Variants in EPC1 observed in about 807,000 individuals in gnomAD.
EPC1 encodes the protein enhancer of polycomb 1, also known as enhancer of polycomb homolog 1.
Under a neutral mutation model 98.4 loss-of-function variants are expected in EPC1, and 12 were observed. The observed-to-expected ratio is 0.12, with a 90% CI of 0.08 to 0.20. The LOEUF (loss-of-function observed/expected upper bound fraction) is 0.20, where lower values mean the gene tolerates loss of function less well. Ranked by LOEUF, EPC1 falls within the 10% of genes least tolerant of loss-of-function variation. EPC1 has a pLI of 1.00. For synonymous variants in EPC1, 357 were observed against 363.9 expected (o/e 0.98, Z 0.21); for missense variants, 729 against 990.5 (o/e 0.74, Z 3.54).
chr10:32,275,061 G>T (rs1384467017), intron 10 of EPC1, among the ~76,000 whole-genome samples: 1 of 152,140 alleles, frequency 6.6e-6, no homozygotes, highest in Admixed American at 6.5e-5. Flanking sequence ...AACCATTTTT[G>T]GAAGGTCAGG....
At position 32,305,943 on chromosome 10, in the gene EPC1, A is replaced by G. The variant is rs772733877; in HGVS notation, c.154-12T>C. The G allele has an allele frequency of 1.9e-6, 3 of 1,592,980 alleles. No individual in the cohort carries two copies. In the South Asian group the frequency reaches 3.5e-5, roughly 18 times the overall value. ...TGAAGATGATGTTCCTAAAAAGAAG[A>G]AAAAACAGGTAAGTTCATGTATTTT... On this transcript the variant is annotated splice_polypyrimidine_tract_variant and intron_variant, in intron 1 of 13. Coordinates refer to ENST00000319778, the MANE Select transcript of EPC1 (RefSeq NM_001272004.3).
chr10:32,284,632 G>A (rs1216807464), intron 10 of EPC1, 66 bp downstream of exon 10: 37 of 1,325,958 alleles, frequency 2.8e-5, no homozygotes, highest in Non-Finnish European at 3.7e-5. Context: ...CCACATAGTC[G>A]AACAAATGGG....
chr10:32,271,647 C>T lies in EPC1; in HGVS notation c.2276G>A (p.Ser759Asn), dbSNP rs1835848825. 5 of 1,614,174 alleles carry T rather than the reference C, an allele frequency of 3.1e-6. No individual in the cohort carries two copies. The highest frequency in any genetic ancestry group is 4.2e-6 in the Non-Finnish European group (5 of 1,180,034). Residue 759 changes from serine to asparagine, a missense_variant, in exon 13 of 14, where the codon AGT becomes AAT. Ser to Asn is a conservative substitution (Grantham distance 46). Transcript: ENST00000319778. ...CTTTAAGGCAGATGATGGAACAGCA[C>T]TTAAAGTCCTAGGTATATGTCGTGC... ...INARHIPRTL[S>N]AVPSSALKLA... is the part of the protein sequence containing the mutation.
intron 1 of EPC1, among the ~76,000 whole-genome samples, chr10:32,324,629 A>G (rs1837154174): frequency 6.6e-6 from 1 of 152,098 alleles, no homozygotes; most frequent in African/African-American, 2.4e-5. Flanking sequence ...TTCCAAATTT[A>G]CCTTGTGTTT....
intron 8 of EPC1, 27 bp downstream of exon 8, chr10:32,286,899 T>A: frequency 6.2e-7 from 1 of 1,610,388 alleles, no homozygotes; most frequent in Non-Finnish European, 8.5e-7. Context: ...AATAGTTTGT[T>A]ATTTACAAAG....
In EPC1 at chr10:32,290,645, G is replaced by A. The variant is rs561226205; in HGVS notation, c.975+518C>T. Among the ~76,000 whole-genome samples the A allele has an allele frequency of 5.3e-5, 8 of 151,866 alleles. 1 individual carries two copies. In the South Asian group the frequency reaches 8.3e-4, roughly 16 times the overall value. ...AATATTTTTCCTTTTATCAGATATA[G>A]TAACAAAAGCTTCCCTTTATAAGGA... is the stretch of plus-strand genomic sequence containing the variant. On this transcript the variant is annotated intron_variant, in intron 6 of 13. Coordinates refer to ENST00000319778, the MANE Select transcript of EPC1 (RefSeq NM_001272004.3).
intron 1 of EPC1, among the ~76,000 whole-genome samples, chr10:32,330,000 T>C (rs1837544657): frequency 6.6e-6 from 1 of 152,132 alleles, no homozygotes; most frequent in South Asian, 2.1e-4. Flanking sequence ...AAATGAGAAA[T>C]GATTCTGTGG....
chr10:32,346,865 C>A lies in EPC1; in HGVS notation c.51G>T (p.Leu17=), dbSNP rs750531881. Residue 17 remains leucine, a synonymous_variant, in exon 1 of 14, where the codon CTG becomes CTT. Transcript: ENST00000319778. ...GCAGATCCTCACAGCGGAAAACCGG[C>A]AGCGGCTTCGAGGCGTCTAGCGCCC... The part of the protein sequence containing the change: ...RARALDASKP[L]PVFRCEDLPD... 1.2e-6 allele frequency: 2 copies of A among 1,614,056 alleles called. No individual in the cohort carries two copies. Among genetic ancestry groups the A allele is most frequent in the Non-Finnish European group, 1.7e-6 (2 of 1,180,030 alleles).
intron 1 of EPC1, among the ~76,000 whole-genome samples, chr10:32,327,829 A>G (rs760532279): frequency 1.3e-5 from 2 of 152,188 alleles, no homozygotes; most frequent in Non-Finnish European, 2.9e-5. Flanking sequence ...ATGGTATTAT[A>G]ACTTTGGGGG....
At chr10:32,270,326 C>T (rs894211043) in intron 13 of EPC1, among the ~76,000 whole-genome samples, 8 of 152,160 alleles carry the variant, frequency 5.3e-5, no homozygotes, top group South Asian at 4.1e-4. Context: ...GCTAACTAAA[C>T]TGAAAACACC....
intron 1 of EPC1, among the ~76,000 whole-genome samples, chr10:32,318,615 T>G (rs1836695953): frequency 1.3e-5 from 2 of 152,206 alleles, no homozygotes; most frequent in Non-Finnish European, 2.9e-5. Flanking sequence ...TCTCCAAATC[T>G]GTTCCTCCTC....
chr10:32,291,073 G>A lies in EPC1; in HGVS notation c.975+90C>T, dbSNP rs71493119. 119 of 1,237,836 alleles carry A rather than the reference G, an allele frequency of 9.6e-5. No individual in the cohort carries two copies. The Admixed American group carries it at 2.2e-3, about 23-fold the overall frequency. 76.7% of individuals were successfully genotyped at this position (1,237,836 alleles called of 1,614,324 possible). A position where few individuals can be genotyped will look rare whatever the true frequency, so the allele number is the denominator to read the frequency against. ...ATTACAGGCGTGAGCCACTGTGCCC[G>A]GCCTATGTGTGTTTTTCTTTTTAAC... On this transcript the variant is annotated intron_variant, in intron 6 of 13. Coordinates refer to ENST00000319778, the MANE Select transcript of EPC1 (RefSeq NM_001272004.3).
intron 1 of EPC1, among the ~76,000 whole-genome samples, chr10:32,375,276 G>T (rs1195826146): frequency 1.3e-5 from 2 of 152,016 alleles, no homozygotes; most frequent in Non-Finnish European, 2.9e-5. Flanking sequence ...TTCATTCCAA[G>T]GTAGATTAGA....
chr10:32,274,896 T>G (rs1290340378), intron 10 of EPC1, among the ~76,000 whole-genome samples: 1 of 152,170 alleles, frequency 6.6e-6, no homozygotes, highest in Non-Finnish European at 1.5e-5. Flanking sequence ...TTAAAAAAAA[T>G]CCACGAAAAT....
intron 1 of EPC1, among the ~76,000 whole-genome samples, chr10:32,339,360 G>A (rs1393253117): frequency 1.3e-5 from 2 of 152,108 alleles, no homozygotes; most frequent in Non-Finnish European, 2.9e-5. Flanking sequence ...TAGTAACTCC[G>A]AGTTTGATGC....
chr10:32,318,348 T>C (rs1836679421), intron 1 of EPC1, among the ~76,000 whole-genome samples: 1 of 152,154 alleles, frequency 6.6e-6, no homozygotes, highest in Non-Finnish European at 1.5e-5. Context: ...AATGAACTAA[T>C]TTAAATCTGT....
At chr10:32,329,520 T>C (rs1837512835) in intron 1 of EPC1, among the ~76,000 whole-genome samples, 2 of 152,230 alleles carry the variant, frequency 1.3e-5, no homozygotes, top group African/African-American at 4.8e-5. Context: ...TCTCTATTAA[T>C]GATAAAAATG....
chr10:32,330,605 A>G (rs1452427744), intron 1 of EPC1, among the ~76,000 whole-genome samples: 1 of 152,222 alleles, frequency 6.6e-6, no homozygotes, highest in Non-Finnish European at 1.5e-5. Context: ...TTGATAAGGT[A>G]GGCTGCTTAG....
chr10:32,300,680 T>C (rs4747777), intron 2 of EPC1, among the ~76,000 whole-genome samples: 150,628 of 152,066 alleles, frequency 0.99, 74,612 homozygotes, highest in Middle Eastern at 1. Flanking sequence ...GTGATCTGCC[T>C]GCCTCGGCCT....
Sources: gnomAD v4.1 joint callset for allele counts (sites outside exome capture counted in the v4.1 genomes callset) on GRCh38, gnomAD v4.1.1 for gene constraint, MANE v1.5 for transcripts, NCBI Gene and HGNC (gene_info 2026-07-23, HGNC 2026-07-21) for gene names.